Variants in SAMMSON observed in about 807,000 individuals in gnomAD.
SAMMSON encodes survival associated mitochondrial melanoma specific oncogenic non-coding RNA.
chr3:70,077,689 C>T (rs1035824524), intron 4 of SAMMSON, among the ~76,000 whole-genome samples: 8 of 152,120 alleles, frequency 5.3e-5, no homozygotes, highest in African/African-American at 1.4e-4. Context: ...TTTGTTTTCC[C>T]ATGGAAATGA....
At chr3:70,413,923 T>C (rs1359509814) in intron 2 of SAMMSON, among the ~76,000 whole-genome samples, 1 of 152,146 alleles carries the variant, frequency 6.6e-6, no homozygotes, top group Non-Finnish European at 1.5e-5. Flanking sequence ...AACAGTGTGC[T>C]TGAAGGCTCA....
intron 7 of SAMMSON, among the ~76,000 whole-genome samples, chr3:70,308,650 C>G (rs73104655): frequency 0.19 from 29,394 of 152,016 alleles, 2,956 homozygotes; most frequent in South Asian, 0.28. Context: ...TAATAAGGTC[C>G]TTGAGTGCAG....
chr3:70,183,097 G>C (rs977646275), intron 4 of SAMMSON, among the ~76,000 whole-genome samples: 1 of 152,166 alleles, frequency 6.6e-6, no homozygotes, highest in African/African-American at 2.4e-5. Flanking sequence ...CTACATGCCA[G>C]CTACAAGCCT....
At chr3:70,339,222 C>A (rs1171748050) in intron 7 of SAMMSON, among the ~76,000 whole-genome samples, 2 of 152,046 alleles carry the variant, frequency 1.3e-5, no homozygotes, top group African/African-American at 4.8e-5. Flanking sequence ...AAACTGGATC[C>A]CTTCCTTACA....
At chr3:70,278,240 T>A (rs9682662) in intron 6 of SAMMSON, among the ~76,000 whole-genome samples, 8,840 of 152,268 alleles carry the variant, frequency 0.058, 628 homozygotes, top group East Asian at 0.36. Context: ...GAAAGATTCA[T>A]TTACATTCTT....
chr3:70,045,141 TTA>T (rs1226230107), intron 3 of SAMMSON, among the ~76,000 whole-genome samples: 23 of 130,758 alleles, frequency 1.8e-4, no homozygotes, highest in East Asian at 8.1e-4. Context: ...ATATTATAAT[TTA>T]TATATATTAA....
intron 4 of SAMMSON, chr3:70,126,290 TG>T (rs1189838239): frequency 5.2e-5 from 58 of 1,121,926 alleles, no homozygotes; most frequent in Non-Finnish European, 4.5e-5. Flanking sequence ...GAGTGGGACA[TG>T]GGGAGTGAAC....
chr3:70,347,699 T>C (rs1702761899), intron 7 of SAMMSON, among the ~76,000 whole-genome samples: 1 of 152,188 alleles, frequency 6.6e-6, no homozygotes, highest in Non-Finnish European at 1.5e-5. Context: ...GTTTATACCC[T>C]AGTGTGTGGA....
At chr3:70,017,827 A>G (rs960168068) in intron 3 of SAMMSON, among the ~76,000 whole-genome samples, 4 of 152,092 alleles carry the variant, frequency 2.6e-5, no homozygotes, top group Non-Finnish European at 5.9e-5. Context: ...CCTTTTCTTC[A>G]TCTATTGAGA....
At chr3:70,297,880 T>C (rs1052684334) in intron 7 of SAMMSON, among the ~76,000 whole-genome samples, 3 of 152,168 alleles carry the variant, frequency 2.0e-5, no homozygotes, top group Non-Finnish European at 2.9e-5. Context: ...GTACAGTTGA[T>C]GCATAATGGC....
At chr3:70,361,535 G>T (rs983604403) in intron 9 of SAMMSON, among the ~76,000 whole-genome samples, 2 of 152,092 alleles carry the variant, frequency 1.3e-5, no homozygotes, top group Non-Finnish European at 2.9e-5. Context: ...CTCTCATCTC[G>T]CTGCAGCATC....
intron 2 of SAMMSON, among the ~76,000 whole-genome samples, chr3:70,408,695 C>G (rs1701195071): frequency 6.6e-6 from 1 of 152,136 alleles, no homozygotes; most frequent in Non-Finnish European, 1.5e-5. Flanking sequence ...CCAAATTTTC[C>G]CACATTTTCC....
At chr3:70,056,982 A>G (rs1428986844) in intron 3 of SAMMSON, among the ~76,000 whole-genome samples, 2 of 152,118 alleles carry the variant, frequency 1.3e-5, no homozygotes, top group Non-Finnish European at 2.9e-5. Context: ...AACCAGAGAA[A>G]ACATTTATCT....
chr3:70,403,164 G>A (rs1701154286), intron 2 of SAMMSON, among the ~76,000 whole-genome samples: 1 of 152,256 alleles, frequency 6.6e-6, no homozygotes, highest in Admixed American at 6.5e-5. Context: ...TCAAATGATG[G>A]TCTTAAAGAG....
chr3:70,120,471 G>C (rs1165333333), intron 4 of SAMMSON: 5 of 152,136 alleles, frequency 3.3e-5, no homozygotes, highest in African/African-American at 1.2e-4. Context: ...TCAAAGTTTG[G>C]TTTCTTCTCG....
chr3:70,284,096 T>A (rs1702116683), intron 6 of SAMMSON, among the ~76,000 whole-genome samples: 1 of 152,158 alleles, frequency 6.6e-6, no homozygotes, highest in Non-Finnish European at 1.5e-5. Context: ...CTGGTTTTCA[T>A]GAGTGCAACT....
At chr3:70,150,252 G>A (rs2067566328) in intron 4 of SAMMSON, among the ~76,000 whole-genome samples, 2 of 151,896 alleles carry the variant, frequency 1.3e-5, no homozygotes, top group African/African-American at 2.4e-5. Flanking sequence ...CCCTTTTTCA[G>A]TTTCAGTTAG....
chr3:70,235,203 T>G (rs890912308), intron 4 of SAMMSON, among the ~76,000 whole-genome samples: 1 of 152,210 alleles, frequency 6.6e-6, no homozygotes, highest in African/African-American at 2.4e-5. Context: ...CCACAAAAGA[T>G]GTGTCTTCAT....
At chr3:70,424,247 A>T (rs1163651305) in intron 2 of SAMMSON, among the ~76,000 whole-genome samples, 2 of 152,164 alleles carry the variant, frequency 1.3e-5, no homozygotes, top group African/African-American at 4.8e-5. Context: ...TTTCTCACTT[A>T]CATAAAAGCT....
Sources: gnomAD v4.1 joint callset for allele counts (sites outside exome capture counted in the v4.1 genomes callset) on GRCh38, gnomAD v4.1.1 for gene constraint, MANE v1.5 for transcripts, NCBI Gene and HGNC (gene_info 2026-07-23, HGNC 2026-07-21) for gene names.